TDRD3: variants seen among roughly 807,000 people sequenced by gnomAD.
TDRD3 encodes the protein tudor domain containing 3.
TDRD3 carries 45 observed loss-of-function variants against 86.7 expected under a neutral mutation model. That is an observed-to-expected ratio of 0.52 (90% confidence interval 0.41 to 0.67). TDRD3 has a LOEUF of 0.67. Ranked by LOEUF, TDRD3 falls within the 30% of genes least tolerant of loss-of-function variation. TDRD3 has a pLI of 0.00. For synonymous variants in TDRD3, 298 were observed against 301.7 expected (o/e 0.99, Z 0.13); for missense variants, 814 against 889.0 (o/e 0.92, Z 1.07).
At chr13:60,564,419 C>G (rs1958403278) in intron 12 of TDRD3, among the ~76,000 whole-genome samples, 1 of 152,184 alleles carries the variant, frequency 6.6e-6, no homozygotes, top group African/African-American at 2.4e-5. Flanking sequence ...GTGCCAAAAT[C>G]TGAGTCCCAA....
At position 60,485,818 on chromosome 13, in the gene TDRD3, A is replaced by C. The variant is rs777598548; in HGVS notation, c.587A>C (p.Gln196Pro). The C allele has an allele frequency of 6.2e-7, 1 of 1,604,368 alleles. No homozygotes were observed. Among genetic ancestry groups the C allele is most frequent in the Admixed American group, 1.7e-5 (1 of 58,472 alleles). The change falls in exon 7 of 14, where the codon CAA (glutamine) becomes CCA (proline). Residue 196 changes from glutamine to proline, a missense_variant. By Grantham distance (76) the Gln-to-Pro change is moderately conservative. Transcript: ENST00000377881. ...TACTAGAAGTGTGTATCTCATGTCC[A>C]AGTGGATAGCAGAGAACTTGATCGA... The part of the protein sequence containing the change: ...PFGQKCVSHV[Q>P]VDSRELDRRK...
At chr13:60,415,167 T>C (rs1427060645) in intron 1 of TDRD3, among the ~76,000 whole-genome samples, 1 of 152,068 alleles carries the variant, frequency 6.6e-6, no homozygotes, top group Non-Finnish European at 1.5e-5. Flanking sequence ...TAACAGTGTT[T>C]AGGGAACTAG....
chr13:60,564,185 G>T (rs1045784168), intron 12 of TDRD3, among the ~76,000 whole-genome samples: 1 of 152,062 alleles, frequency 6.6e-6, no homozygotes, highest in African/African-American at 2.4e-5. Flanking sequence ...TATTTGAAGA[G>T]ATTTATTCTG....
chr13:60,535,353 C>T lies in TDRD3; in HGVS notation c.2118+120C>T, dbSNP rs1957676778. The T allele has an allele frequency of 9.9e-6, 11 of 1,115,256 alleles. No homozygotes were observed. In the South Asian group the frequency reaches 1.1e-4, roughly 11 times the overall value. The allele number at this position is 1,115,256 out of a possible 1,614,324, so 69.1% of individuals were successfully genotyped here. A position where few individuals can be genotyped will look rare whatever the true frequency, so the allele number is the denominator to read the frequency against. On this transcript the variant is annotated intron_variant, in intron 12 of 13. Transcript: ENST00000377881. Reference sequence around the variant, plus strand: ...AATCATATTTTGAATTTACTTATAACTGGCTACCCCTAAAGTAAGATTTTA... The same window carrying T: ...AATCATATTTTGAATTTACTTATAATTGGCTACCCCTAAAGTAAGATTTTA...
intron 12 of TDRD3, chr13:60,537,207 T>C (rs1957713599): frequency 6.6e-6 from 1 of 152,084 alleles, no homozygotes; most frequent in Non-Finnish European, 1.5e-5. Flanking sequence ...TATAATCAAG[T>C]GGTTGTTGAC....
chr13:60,478,801 CTTTTTTTT>C (rs202146264), intron 5 of TDRD3, among the ~76,000 whole-genome samples: 1 of 104,448 alleles, frequency 9.6e-6, no homozygotes, highest in Admixed American at 1.0e-4. Flanking sequence ...AATTTGAGGA[CTTTTTTTT>C]TTTTTTTTTT....
At chr13:60,478,835 AC>A (rs1247232620) in intron 5 of TDRD3, among the ~76,000 whole-genome samples, 1 of 124,836 alleles carries the variant, frequency 8.0e-6, no homozygotes, top group Non-Finnish European at 1.6e-5. Flanking sequence ...ATGGAGTCTC[AC>A]TGTGTCATCC....
At chr13:60,565,312 C>T (rs1229891433) in intron 12 of TDRD3, among the ~76,000 whole-genome samples, 1 of 152,096 alleles carries the variant, frequency 6.6e-6, no homozygotes, top group African/African-American at 2.4e-5. Context: ...GCCTCGGCCT[C>T]CCAAAGTGCT....
chr13:60,563,131 G>C (rs1041525079), intron 12 of TDRD3, among the ~76,000 whole-genome samples: 1 of 151,922 alleles, frequency 6.6e-6, no homozygotes, highest in Non-Finnish European at 1.5e-5. Context: ...AGGAGGCTGA[G>C]GGGGGAGAAT....
At chr13:60,455,254 A>G (rs1195479408) in intron 3 of TDRD3, among the ~76,000 whole-genome samples, 1 of 152,186 alleles carries the variant, frequency 6.6e-6, no homozygotes, top group African/African-American at 2.4e-5. Flanking sequence ...AAATGATACT[A>G]AGAGATGTTT....
intron 5 of TDRD3, among the ~76,000 whole-genome samples, chr13:60,473,465 C>T (rs775481395): frequency 1.1e-4 from 17 of 152,076 alleles, no homozygotes; most frequent in Admixed American, 7.9e-4. Context: ...ATATTGTGGG[C>T]GGCAAGCCAC....
At chr13:60,454,856 A>G (rs1955629361) in intron 3 of TDRD3, among the ~76,000 whole-genome samples, 1 of 151,488 alleles carries the variant, frequency 6.6e-6, no homozygotes, top group Admixed American at 6.6e-5. Context: ...TACAGGGTGT[A>G]TGTGACAAAT....
intron 1 of TDRD3, among the ~76,000 whole-genome samples, chr13:60,433,078 C>G (rs1747287253): frequency 6.6e-6 from 1 of 152,038 alleles, no homozygotes; most frequent in South Asian, 2.1e-4. Flanking sequence ...TGTTTTCACT[C>G]TTGGTTTTCT....
intron 1 of TDRD3, among the ~76,000 whole-genome samples, chr13:60,424,787 G>A (rs1041401933): frequency 6.6e-6 from 1 of 152,126 alleles, no homozygotes; most frequent in Non-Finnish European, 1.5e-5. Flanking sequence ...ATATGCATTG[G>A]CATCATTCCC....
At chr13:60,553,206 A>G (rs1958105909) in intron 12 of TDRD3, among the ~76,000 whole-genome samples, 2 of 152,194 alleles carry the variant, frequency 1.3e-5, no homozygotes, top group Non-Finnish European at 2.9e-5. Context: ...ATCTTTGTGA[A>G]TGTAGATCAC....
chr13:60,471,350 T>C (rs1956073063), intron 5 of TDRD3, among the ~76,000 whole-genome samples: 1 of 152,218 alleles, frequency 6.6e-6, no homozygotes, highest in South Asian at 2.1e-4. Context: ...TGGCCATATA[T>C]GAACAAATTT....
At chr13:60,447,683 T>C (rs1004061539) in intron 3 of TDRD3, among the ~76,000 whole-genome samples, 3 of 152,114 alleles carry the variant, frequency 2.0e-5, no homozygotes, top group Non-Finnish European at 4.4e-5. Flanking sequence ...TTGAGGTAGG[T>C]TGGTCTCTGG....
In TDRD3 at chr13:60,485,843, A is replaced by C; in HGVS notation, c.612A>C (p.Arg204=). 5 of 1,609,450 alleles carry C rather than the reference A, an allele frequency of 3.1e-6. No individual in the cohort carries two copies. The highest frequency in any genetic ancestry group is 4.2e-6 in the Non-Finnish European group (5 of 1,178,106). Residue 204 remains arginine, a synonymous_variant, in exon 7 of 14, where the codon CGA becomes CGC. Coordinates refer to ENST00000377881, the MANE Select transcript of TDRD3 (RefSeq NM_001146070.2). ...AAGTGGATAGCAGAGAACTTGATCGAAGAAAAACATTGCAAGTTACAATGC... is the reference window on the plus strand; with the variant it reads ...AAGTGGATAGCAGAGAACTTGATCGCAGAAAAACATTGCAAGTTACAATGC... ...HVQVDSRELD[R]RKTLQVTMPV... is the part of the protein sequence containing the mutation.
At chr13:60,565,807 A>G (rs763882572) in intron 12 of TDRD3, among the ~76,000 whole-genome samples, 1 of 152,226 alleles carries the variant, frequency 6.6e-6, no homozygotes, top group Non-Finnish European at 1.5e-5. Context: ...ACATTTAGCT[A>G]TAATACTTGA....
Sources: allele counts gnomAD v4.1 joint callset (sites outside exome capture counted in the v4.1 genomes callset), GRCh38; gene constraint gnomAD v4.1.1; transcripts MANE v1.5; gene names NCBI Gene and HGNC (gene_info 2026-07-23, HGNC 2026-07-21).